Variants in SLC6A6 observed in about 807,000 individuals in gnomAD.
SLC6A6 encodes the protein solute carrier family 6 member 6.
Under a neutral mutation model 68.8 loss-of-function variants are expected in SLC6A6, and 16 were observed. The ratio of observed to expected loss-of-function variants is 0.23; its 90% CI spans 0.16 to 0.35. SLC6A6 has a LOEUF of 0.35. Ranked by LOEUF, SLC6A6 falls within the 10% of genes least tolerant of loss-of-function variation. SLC6A6 has a pLI of 1.00. For missense variants in SLC6A6, 474 were observed against 802.8 expected (o/e 0.59, Z 4.95); for synonymous variants, 312 against 315.4 (o/e 0.99, Z 0.12).
intron 5 of SLC6A6, among the ~76,000 whole-genome samples, chr3:14,455,808 T>C (rs1700353622): frequency 6.6e-6 from 1 of 152,220 alleles, no homozygotes; most frequent in Non-Finnish European, 1.5e-5. Context: ...CAGATCCACA[T>C]GCTTGGCAGG....
chr3:14,437,943 G>A (rs561809839), intron 2 of SLC6A6, among the ~76,000 whole-genome samples: 49 of 151,130 alleles, frequency 3.2e-4, no homozygotes, highest in Non-Finnish European at 5.7e-4. Flanking sequence ...TTCTTCTGCC[G>A]TAGCTTCTTG....
intron 2 of SLC6A6, among the ~76,000 whole-genome samples, chr3:14,438,942 A>G (rs892115683): frequency 1.3e-5 from 2 of 152,216 alleles, no homozygotes; most frequent in Non-Finnish European, 2.9e-5. Context: ...TTGCCCAGGA[A>G]AAATAGAGGC....
At chr3:14,407,298 C>G (rs1699131691) in intron 1 of SLC6A6, among the ~76,000 whole-genome samples, 1 of 152,082 alleles carries the variant, frequency 6.6e-6, no homozygotes, top group Admixed American at 6.6e-5. Context: ...GATCCTCCCA[C>G]CTTAGATGAT....
chr3:14,412,281 T>C (rs1574907246), intron 1 of SLC6A6, among the ~76,000 whole-genome samples: 1 of 152,224 alleles, frequency 6.6e-6, no homozygotes, highest in East Asian at 1.9e-4. Context: ...AGCAGAGCTG[T>C]AGCAACAGGC....
intron 2 of SLC6A6, among the ~76,000 whole-genome samples, chr3:14,417,968 C>G (rs1385097317): frequency 6.6e-6 from 1 of 152,174 alleles, no homozygotes; most frequent in Non-Finnish European, 1.5e-5. Context: ...ATTGCCTGCT[C>G]TAGGGGCTTT....
At chr3:14,422,090 A>C (rs1699497905) in intron 2 of SLC6A6, among the ~76,000 whole-genome samples, 1 of 152,178 alleles carries the variant, frequency 6.6e-6, no homozygotes, top group African/African-American at 2.4e-5. Context: ...AGGCATTTCC[A>C]TCTGTCCATG....
At chr3:14,405,529 C>G (rs1699087508) in intron 1 of SLC6A6, among the ~76,000 whole-genome samples, 1 of 152,240 alleles carries the variant, frequency 6.6e-6, no homozygotes, top group Admixed American at 6.5e-5. Flanking sequence ...GGGGGTCTGC[C>G]TGGGAATTGG....
chr3:14,442,986 A>G (rs932205653), intron 2 of SLC6A6, among the ~76,000 whole-genome samples: 1 of 152,194 alleles, frequency 6.6e-6, no homozygotes, highest in Admixed American at 6.5e-5. Flanking sequence ...TTGCACATCT[A>G]TTTCATAAAC....
intron 1 of SLC6A6, among the ~76,000 whole-genome samples, chr3:14,410,462 T>C (rs980349137): frequency 6.6e-6 from 1 of 152,122 alleles, no homozygotes; most frequent in Non-Finnish European, 1.5e-5. Context: ...GAGCCCAGGA[T>C]GGGGTTCCTG....
At chr3:14,483,680 G>T (rs571203776) in intron 14 of SLC6A6, among the ~76,000 whole-genome samples, 53 of 152,244 alleles carry the variant, frequency 3.5e-4, no homozygotes, top group African/African-American at 1.2e-3. Flanking sequence ...AAGAAAAGAT[G>T]GAAAACTGGA....
chr3:14,426,734 G>T (rs772877442), intron 2 of SLC6A6, among the ~76,000 whole-genome samples: 1 of 152,182 alleles, frequency 6.6e-6, no homozygotes, highest in Non-Finnish European at 1.5e-5. Context: ...ACCAAGGGTT[G>T]CTATGACAAT....
chr3:14,420,620 A>T (rs1699464887), intron 2 of SLC6A6, among the ~76,000 whole-genome samples: 1 of 151,308 alleles, frequency 6.6e-6, no homozygotes, highest in Admixed American at 6.6e-5. Flanking sequence ...CCTCCTGAGT[A>T]CCTGGGATTA....
At chr3:14,461,828 A>G (rs1700502857) in intron 6 of SLC6A6, among the ~76,000 whole-genome samples, 1 of 152,198 alleles carries the variant, frequency 6.6e-6, no homozygotes. Context: ...TCTGGGATCA[A>G]TGGCGAGCCC....
intron 1 of SLC6A6, among the ~76,000 whole-genome samples, chr3:14,414,395 G>T (rs886092155): frequency 9.2e-5 from 14 of 152,224 alleles, no homozygotes; most frequent in Admixed American, 9.2e-4. Context: ...AGGAGGTGGG[G>T]TCAGTCCATC....
At chr3:14,459,236 C>T (rs3773176) in intron 6 of SLC6A6, among the ~76,000 whole-genome samples, 83,254 of 151,978 alleles carry the variant, frequency 0.55, 25,150 homozygotes, top group African/African-American at 0.82. Context: ...GTCAAAGGAG[C>T]GTCTTAAGGT....
At chr3:14,479,846 A>G (rs1266148169) in intron 13 of SLC6A6, among the ~76,000 whole-genome samples, 1 of 152,228 alleles carries the variant, frequency 6.6e-6, no homozygotes, top group Non-Finnish European at 1.5e-5. Context: ...GAATTCCTCC[A>G]TGGCAAAGCC....
intron 10 of SLC6A6, among the ~76,000 whole-genome samples, chr3:14,476,196 A>G (rs1038711848): frequency 3.9e-5 from 6 of 152,118 alleles, no homozygotes; most frequent in Admixed American, 2.0e-4. Context: ...TTTAACCCCA[A>G]AGCTTCTCTT....
rs185472964 is a variant in SLC6A6 at position 14,459,932 on chromosome 3, C to T, written c.732+1850C>T. On this transcript the variant is annotated intron_variant, in intron 6 of 14. Transcript: ENST00000622186. ...TTGTAATTTGAGGTGGGGTCTGGCT[C>T]TGTTGCCCAGGCTGAAATGCAGTGG... 1.6e-3 allele frequency among the ~76,000 whole-genome samples: 210 copies of T among 135,040 alleles called. 1 individual carries two copies. The highest frequency in any genetic ancestry group is 2.8e-3 in the Non-Finnish European group (181 of 65,184). 88.6% of individuals were successfully genotyped at this position (135,040 alleles called of 152,430 possible). A position where few individuals can be genotyped will look rare whatever the true frequency, so the allele number is the denominator to read the frequency against.
chr3:14,455,852 C>A (rs936789589), intron 5 of SLC6A6, among the ~76,000 whole-genome samples: 4 of 152,270 alleles, frequency 2.6e-5, no homozygotes, highest in Admixed American at 1.3e-4. Context: ...CGCCAGCCTG[C>A]CCTATAGGGA....
Sources: allele counts gnomAD v4.1 joint callset (sites outside exome capture counted in the v4.1 genomes callset), GRCh38; gene constraint gnomAD v4.1.1; transcripts MANE v1.5; gene names NCBI Gene and HGNC (gene_info 2026-07-23, HGNC 2026-07-21).